Variants in ENTREP2 observed in about 807,000 individuals in gnomAD.
The protein encoded by ENTREP2 is endosomal transmembrane epsin interactor 2.
chr15:29,598,201 A>C, the ENTREP2 span, among the ~76,000 whole-genome samples: 1 of 152,130 alleles, frequency 6.6e-6, no homozygotes, highest in Non-Finnish European at 1.5e-5. Context: ...CCATTTTTGC[A>C]TTCCCACCAA....
chr15:29,349,385 T>C, the ENTREP2 span, among the ~76,000 whole-genome samples: 2 of 152,216 alleles, frequency 1.3e-5, no homozygotes, highest in African/African-American at 2.4e-5. Flanking sequence ...ACAAGCTATA[T>C]TGCATACAAA....
chr15:29,245,192 C>T, the ENTREP2 span, among the ~76,000 whole-genome samples: 4,215 of 152,116 alleles, frequency 0.028, 196 homozygotes, highest in African/African-American at 0.097. Context: ...AAAATAATAA[C>T]TAAAACAGGC....
At chr15:29,653,802 TA>T in the ENTREP2 span, among the ~76,000 whole-genome samples, 1 of 151,364 alleles carries the variant, frequency 6.6e-6, no homozygotes, top group African/African-American at 2.4e-5. Context: ...TCATGTTTTT[TA>T]TTCTTGTCCT....
chr15:29,256,345 T>C, the ENTREP2 span, among the ~76,000 whole-genome samples: 1 of 152,136 alleles, frequency 6.6e-6, no homozygotes, highest in African/African-American at 2.4e-5. Context: ...AAAATAAATA[T>C]AGTCATACAT....
chr15:29,627,393 A>T, the ENTREP2 span, among the ~76,000 whole-genome samples: 2 of 151,994 alleles, frequency 1.3e-5, no homozygotes, highest in Admixed American at 6.6e-5. Context: ...AAATACAAAA[A>T]TTAGCCAGCC....
chr15:29,406,462 C>T, the ENTREP2 span, among the ~76,000 whole-genome samples: 1 of 152,062 alleles, frequency 6.6e-6, no homozygotes, highest in Non-Finnish European at 1.5e-5. Context: ...GTAAGAGAAT[C>T]ACTTGAACCT....
chr15:29,371,929 T>C, the ENTREP2 span, among the ~76,000 whole-genome samples: 1 of 151,670 alleles, frequency 6.6e-6, no homozygotes, highest in Non-Finnish European at 1.5e-5. Flanking sequence ...GATAGATAGA[T>C]AGATAGATAG....
the ENTREP2 span, among the ~76,000 whole-genome samples, chr15:29,611,791 C>T: frequency 6.6e-6 from 1 of 152,212 alleles, no homozygotes; most frequent in Non-Finnish European, 1.5e-5. Context: ...TCACTTCATG[C>T]CCTTCTCTGG....
the ENTREP2 span, among the ~76,000 whole-genome samples, chr15:29,477,842 G>T: frequency 6.6e-6 from 1 of 151,760 alleles, no homozygotes; most frequent in African/African-American, 2.4e-5. Flanking sequence ...GAATGGACTG[G>T]ATGGCCCTCA....
the ENTREP2 span, among the ~76,000 whole-genome samples, chr15:29,424,135 C>T: frequency 6.6e-5 from 10 of 152,300 alleles, no homozygotes; most frequent in South Asian, 2.1e-3. Context: ...GCTGCAAACC[C>T]TCAATGTGAG....
the ENTREP2 span, among the ~76,000 whole-genome samples, chr15:29,368,689 T>C: frequency 1.3e-5 from 2 of 151,738 alleles, no homozygotes; most frequent in African/African-American, 4.8e-5. Context: ...CTGGGCAACA[T>C]AGCAAGATAC....
chr15:29,438,186 A>G, the ENTREP2 span, among the ~76,000 whole-genome samples: 1 of 152,212 alleles, frequency 6.6e-6, no homozygotes, highest in East Asian at 1.9e-4. Flanking sequence ...CACAGTTCTG[A>G]GACTGGGATG....
At chr15:29,578,361 T>C in the ENTREP2 span, among the ~76,000 whole-genome samples, 24,805 of 152,106 alleles carry the variant, frequency 0.16, 2,891 homozygotes, top group East Asian at 0.49. Flanking sequence ...GGAAAAGATA[T>C]GTGTGCACCA....
chr15:29,167,072 G>A, the ENTREP2 span, among the ~76,000 whole-genome samples: 1 of 152,098 alleles, frequency 6.6e-6, no homozygotes, highest in Non-Finnish European at 1.5e-5. Flanking sequence ...GTGGGGAAAG[G>A]ACACTCTTTT....
At chr15:29,439,264 T>C in the ENTREP2 span, among the ~76,000 whole-genome samples, 1 of 146,750 alleles carries the variant, frequency 6.8e-6, no homozygotes, top group South Asian at 2.2e-4. Flanking sequence ...GAGCATCTTA[T>C]AGTGCTAGAA....
At chr15:29,388,815 A>G in the ENTREP2 span, among the ~76,000 whole-genome samples, 2 of 152,190 alleles carry the variant, frequency 1.3e-5, no homozygotes, top group South Asian at 2.1e-4. Context: ...TCCTTTGTAG[A>G]GACATGGATG....
the ENTREP2 span, among the ~76,000 whole-genome samples, chr15:29,325,952 G>A: frequency 6.6e-6 from 1 of 152,098 alleles, no homozygotes; most frequent in East Asian, 1.9e-4. Context: ...ATCAGTCAAT[G>A]CAATATACCA....
At chr15:29,130,508 T>C in the ENTREP2 span, among the ~76,000 whole-genome samples, 9 of 152,150 alleles carry the variant, frequency 5.9e-5, no homozygotes, top group Non-Finnish European at 1.2e-4. Flanking sequence ...AGACGGGTGG[T>C]TAACTTAGAA....
chr15:29,273,221 T>C, the ENTREP2 span, among the ~76,000 whole-genome samples: 1 of 142,612 alleles, frequency 7.0e-6, no homozygotes, highest in East Asian at 2.1e-4. Flanking sequence ...TTTTTTGAGA[T>C]GGAGTTGCGC....
Sources: allele counts gnomAD v4.1 joint callset (sites outside exome capture counted in the v4.1 genomes callset), GRCh38; gene constraint gnomAD v4.1.1; transcripts MANE v1.5; gene names NCBI Gene and HGNC (gene_info 2026-07-23, HGNC 2026-07-21).